The following TBC1D12 variants were observed in gnomAD, a reference collection of about 807,000 sequenced individuals.
The protein encoded by TBC1D12 is TBC1 domain family member 12, also known as TBC1 domain family, member 12.
TBC1D12 carries 56 observed loss-of-function variants against 86.7 expected under a neutral mutation model. The ratio of observed to expected loss-of-function variants is 0.65; its 90% CI spans 0.52 to 0.81. TBC1D12 has a LOEUF of 0.81. TBC1D12 is among the 30% of genes least tolerant of loss of function. The pLI is 0.00. For missense variants in TBC1D12, 1,023 were observed against 1,038.8 expected, an observed-to-expected ratio of 0.98 and a Z score of 0.21; for synonymous variants, 421 against 411.7, an observed-to-expected ratio of 1.02 and a Z score of -0.27.
intron 3 of TBC1D12, among the ~76,000 whole-genome samples, chr10:94,489,814 CAT>C (rs573925834): frequency 4.8e-4 from 73 of 152,296 alleles, no homozygotes; most frequent in African/African-American, 1.5e-3. Flanking sequence ...GTAAGACACA[CAT>C]GTTTGCCTTG....
At chr10:94,511,134 G>A (rs1441585426) in intron 8 of TBC1D12, among the ~76,000 whole-genome samples, 1 of 97,342 alleles carries the variant, frequency 1.0e-5, no homozygotes, top group South Asian at 3.3e-4. Context: ...TTCTCACTCT[G>A]TTGCCCAGGC....
At chr10:94,418,139 T>C (rs540293585) in intron 1 of TBC1D12, among the ~76,000 whole-genome samples, 115 of 152,272 alleles carry the variant, frequency 7.6e-4, no homozygotes, top group Admixed American at 1.2e-3. Context: ...TGTAGAGATA[T>C]AGATTAAATT....
intron 2 of TBC1D12, among the ~76,000 whole-genome samples, chr10:94,456,763 A>G (rs754053247): frequency 2.6e-5 from 4 of 152,214 alleles, no homozygotes; most frequent in Non-Finnish European, 5.9e-5. Flanking sequence ...TGATAGAGGC[A>G]TTAAAGTTTT....
At chr10:94,529,533 G>A (rs1373200444) in intron 11 of TBC1D12, among the ~76,000 whole-genome samples, 2 of 152,112 alleles carry the variant, frequency 1.3e-5, no homozygotes, top group East Asian at 1.9e-4. Flanking sequence ...CAGGAGAATC[G>A]CTTGAACCCC....
At chr10:94,516,376 TA>T (rs2056591696) in intron 9 of TBC1D12, among the ~76,000 whole-genome samples, 1 of 152,198 alleles carries the variant, frequency 6.6e-6, no homozygotes, top group Admixed American at 6.5e-5. Flanking sequence ...AAAACAAATT[TA>T]TTTTTTTGGT....
At chr10:94,529,200 G>A (rs1007084942) in intron 11 of TBC1D12, among the ~76,000 whole-genome samples, 2 of 152,092 alleles carry the variant, frequency 1.3e-5, no homozygotes, top group South Asian at 4.1e-4. Context: ...TAGAGATGGG[G>A]TCTCACTATG....
At chr10:94,455,344 C>G (rs2055611793) in intron 2 of TBC1D12, among the ~76,000 whole-genome samples, 2 of 151,926 alleles carry the variant, frequency 1.3e-5, no homozygotes, top group South Asian at 4.1e-4. Flanking sequence ...TTGGTCTGTA[C>G]GTTTCTTTTT....
At position 94,524,826 on chromosome 10, in the gene TBC1D12, T is replaced by A. The variant is rs116614928; in HGVS notation, c.2000+2373T>A. Among the ~76,000 whole-genome samples the A allele has an allele frequency of 4.0e-3, 609 of 152,222 alleles. 2 individuals are homozygous for A. Among genetic ancestry groups the A allele is most frequent in the African/African-American group, 0.011 (475 of 41,552 alleles). On this transcript the variant is annotated intron_variant, in intron 11 of 12. Transcript: ENST00000225235. ...TATTTTTTCGTTCATTAAAAAATTT[T>A]TTTTTTATTTTTTATTTTTTGAGAC...
At chr10:94,482,514 G>C (rs1036515520) in intron 3 of TBC1D12, among the ~76,000 whole-genome samples, 2 of 151,652 alleles carry the variant, frequency 1.3e-5, no homozygotes, top group African/African-American at 4.8e-5. Context: ...ATAATGACGC[G>C]ATCATGGCTT....
chr10:94,493,782 C>T (rs2056278116), intron 4 of TBC1D12, among the ~76,000 whole-genome samples: 1 of 151,914 alleles, frequency 6.6e-6, no homozygotes, highest in Non-Finnish European at 1.5e-5. Context: ...TTTTTCTCTA[C>T]TATTTTTATA....
At chr10:94,460,655 A>G (rs1293513945) in intron 2 of TBC1D12, among the ~76,000 whole-genome samples, 1 of 150,770 alleles carries the variant, frequency 6.6e-6, no homozygotes, top group Non-Finnish European at 1.5e-5. Context: ...AATTTGGGGG[A>G]AATTCTCAGT....
chr10:94,431,322 C>T (rs187260617), intron 1 of TBC1D12, among the ~76,000 whole-genome samples: 2 of 150,342 alleles, frequency 1.3e-5, no homozygotes, highest in Non-Finnish European at 1.5e-5. Flanking sequence ...GACTAAGGCA[C>T]GAGAATCGCT....
chr10:94,419,662 C>CT (rs925086433), intron 1 of TBC1D12, among the ~76,000 whole-genome samples: 1 of 152,068 alleles, frequency 6.6e-6, no homozygotes, highest in Non-Finnish European at 1.5e-5. Flanking sequence ...GAGCAAGACT[C>CT]TGTCTCAGGG....
At chr10:94,517,238 T>C (rs1310497743) in intron 9 of TBC1D12, among the ~76,000 whole-genome samples, 1 of 151,926 alleles carries the variant, frequency 6.6e-6, no homozygotes, top group African/African-American at 2.4e-5. Flanking sequence ...ATTACATGGG[T>C]GTGGAGGCGC....
At chr10:94,447,328 A>G (rs1431732283) in intron 2 of TBC1D12, among the ~76,000 whole-genome samples, 1 of 152,086 alleles carries the variant, frequency 6.6e-6, no homozygotes, top group Non-Finnish European at 1.5e-5. Context: ...GTGTATATAT[A>G]TACACACACA....
At position 94,518,278 on chromosome 10, in the gene TBC1D12, A is replaced by G. The variant is rs191591881; in HGVS notation, c.1762-3677A>G. ...ACCCAGGCTGGAGTGCAGTGGCACA[A>G]TCTCAGCTCACTGCAACCTCCGCCC... On this transcript the variant is annotated intron_variant, in intron 9 of 12. Coordinates refer to ENST00000225235, the MANE Select transcript of TBC1D12 (RefSeq NM_015188.2). 2.8e-4 allele frequency among the ~76,000 whole-genome samples: 43 copies of G among 151,676 alleles called. 1 individual carries two copies. The highest frequency in any genetic ancestry group is 1.0e-3 in the African/African-American group (42 of 41,396).
chr10:94,503,496 C>A (rs983692596), intron 6 of TBC1D12, among the ~76,000 whole-genome samples: 2 of 152,138 alleles, frequency 1.3e-5, no homozygotes, highest in Non-Finnish European at 2.9e-5. Context: ...AGAATTATAA[C>A]AAAAATTAAA....
At chr10:94,415,917 A>G (rs777977514) in intron 1 of TBC1D12, among the ~76,000 whole-genome samples, 4 of 152,222 alleles carry the variant, frequency 2.6e-5, no homozygotes, top group African/African-American at 9.6e-5. Context: ...TGGGTGTACA[A>G]ATAACACAGC....
chr10:94,515,537 C>G (rs922860357), intron 9 of TBC1D12, among the ~76,000 whole-genome samples: 1 of 151,466 alleles, frequency 6.6e-6, no homozygotes, highest in Admixed American at 6.6e-5. Context: ...TTAGTAGAGA[C>G]GGGGTTTCAC....
Sources: gnomAD v4.1 joint callset for allele counts (sites outside exome capture counted in the v4.1 genomes callset) on GRCh38, gnomAD v4.1.1 for gene constraint, MANE v1.5 for transcripts, NCBI Gene and HGNC (gene_info 2026-07-23, HGNC 2026-07-21) for gene names.